ATAD2: variants seen among roughly 807,000 people sequenced by gnomAD.
The protein encoded by ATAD2 is ATPase family AAA domain containing 2, also known as ATPase family AAA domain-containing protein 2.
ATAD2 carries 62 observed loss-of-function variants against 168.9 expected under a neutral mutation model. The ratio of observed to expected loss-of-function variants is 0.37; its 90% CI spans 0.30 to 0.45. The LOEUF is 0.45. Ranked by LOEUF, ATAD2 falls within the 20% of genes least tolerant of loss-of-function variation. The probability of loss-of-function intolerance (pLI) is 1.00; values close to 1 mark genes in which losing one functional copy is unlikely to be tolerated. For synonymous variants in ATAD2, 613 were observed against 571.6 expected (o/e 1.07, Z -1.03); for missense variants, 1,419 against 1,667.8 (o/e 0.85, Z 2.60).
Position 123,346,186 on chromosome 8 carries a change from G to A in ATAD2, c.2432C>T (p.Pro811Leu). 1.2e-6 allele frequency: 2 copies of A among 1,613,096 alleles called. No individual in the cohort carries two copies. Among genetic ancestry groups the A allele is most frequent in the Non-Finnish European group, 1.7e-6 (2 of 1,179,520 alleles). The change falls in exon 18 of 28, where the codon CCA becomes CTA. Residue 811 changes from proline (P) to leucine (L), a missense_variant. Pro to Leu is a moderately conservative substitution (Grantham distance 98). Coordinates refer to ENST00000287394, the MANE Select transcript of ATAD2 (RefSeq NM_014109.4). ...PGFGQGSHLAPAVIHALEKFT... is the reference protein window; with the variant it reads ...PGFGQGSHLALAVIHALEKFT... Reference sequence around the variant, plus strand: ...CTTTTCCAAAGCATGAATGACAGCTGGTGCCAAGTGAGAACCTTGCCCAAA... The same window carrying A: ...CTTTTCCAAAGCATGAATGACAGCTAGTGCCAAGTGAGAACCTTGCCCAAA...
At chr8:123,323,093 G>A (rs779203863) in intron 26 of ATAD2, 27 bp from the exon 27 acceptor site, 2 of 1,587,162 alleles carry the variant, frequency 1.3e-6, no homozygotes, top group African/African-American at 1.4e-5. Flanking sequence ...GTGTCAATAT[G>A]TGTGAGAGAG....
chr8:123,337,702 A>G lies in ATAD2; in HGVS notation c.2974T>C (p.Phe992Leu). 2.5e-6 allele frequency: 4 copies of G among 1,613,772 alleles called. No homozygotes were observed. The highest frequency in any genetic ancestry group is 3.4e-6 in the Non-Finnish European group (4 of 1,179,880). The change falls in exon 21 of 28, where the codon TTC becomes CTC. Residue 992 changes from phenylalanine to leucine, a missense_variant. Physicochemically the swap from Phe to Leu is conservative, Grantham distance 22. Coordinates refer to ENST00000287394, the MANE Select transcript of ATAD2 (RefSeq NM_014109.4). ...AGCCTATGTGTAACATTTCTTAAGA[A>G]AATCCTCAGTTCTCTAAATGTATCT... ...EEDTFRELRIFLRNVTHRLAI... is the reference protein window; with the variant it reads ...EEDTFRELRILLRNVTHRLAI...
rs1479165463 is a variant in ATAD2, at chr8:123,347,350, G to A, written c.1954C>T (p.Arg652Ter). Residue 652 changes from arginine (R) to a stop codon, truncating the protein, a stop_gained, in exon 16 of 28, where the codon CGA becomes TGA. Coordinates refer to ENST00000287394, the MANE Select transcript of ATAD2 (RefSeq NM_014109.4). LOFTEE classifies it high-confidence loss of function. ...ICAEAALCAL[R>*]RRYPQIYTTS... is the part of the protein sequence containing the mutation. Reference sequence around the variant, plus strand: ...GTATAGATCTGTGGGTAGCGTCGTCGTAAAGCACATAAAGCAGCTTCAGCA... The same window carrying A: ...GTATAGATCTGTGGGTAGCGTCGTCATAAAGCACATAAAGCAGCTTCAGCA... 4 of 1,613,630 alleles carry A rather than the reference G, an allele frequency of 2.5e-6. No homozygotes were observed. Among genetic ancestry groups the A allele is most frequent in the Non-Finnish European group, 2.5e-6 (3 of 1,179,966 alleles).
intron 3 of ATAD2, 36 bp from the exon 4 acceptor site, chr8:123,371,871 T>C (rs768648727): frequency 1.4e-6 from 2 of 1,466,214 alleles, no homozygotes; most frequent in South Asian, 2.9e-5. Context: ...AATAGAAACA[T>C]TTGAAATAAT....
intron 1 of ATAD2, among the ~76,000 whole-genome samples, chr8:123,389,029 C>T (rs1829729116): frequency 6.6e-6 from 1 of 151,012 alleles, no homozygotes; most frequent in South Asian, 2.1e-4. Flanking sequence ...TGCAGTGGCG[C>T]GATCTTGGCT....
intron 1 of ATAD2, among the ~76,000 whole-genome samples, chr8:123,414,591 T>C (rs1813211837): frequency 1.3e-5 from 2 of 152,330 alleles, no homozygotes; most frequent in Non-Finnish European, 1.5e-5. Context: ...ACCACTGCAC[T>C]CCAGCCTGGG....
chr8:123,320,566 T>C lies in ATAD2; in HGVS notation c.*568A>G, dbSNP rs889456530. 2 of 152,254 alleles carry C rather than the reference T, an allele frequency of 1.3e-5. No individual in the cohort carries two copies. The highest frequency in any genetic ancestry group is 1.3e-4 in the Admixed American group (2 of 15,276). The allele number at this position is 152,254 out of a possible 1,614,324, so 9.4% of individuals were successfully genotyped here. A position where few individuals can be genotyped will look rare whatever the true frequency, so the allele number is the denominator to read the frequency against. ...AAATGTTTGTCTCAAAAACAATGAC[T>C]GTGATACTCAAGTACAGAATTGTGG... On this transcript the variant is annotated 3_prime_UTR_variant, in exon 28 of 28. Coordinates refer to ENST00000287394, the MANE Select transcript of ATAD2 (RefSeq NM_014109.4).
rs1333889718 is a variant in ATAD2 at position 123,347,630 on chromosome 8, C to G, written c.1898-224G>C. ...AACTTTTAAGAGTGCAATACACAAG[C>G]ACTAAGTATAGCACAGAGGTCAAAA... is the stretch of plus-strand genomic sequence containing the variant. On this transcript the variant is annotated intron_variant, in intron 15 of 27. Coordinates refer to ENST00000287394, the MANE Select transcript of ATAD2 (RefSeq NM_014109.4). Among the ~76,000 whole-genome samples, 4 of 152,092 alleles carry G rather than the reference C, an allele frequency of 2.6e-5. No homozygotes were observed. The East Asian group carries it at 7.7e-4, about 29-fold the overall frequency.
chr8:123,382,731 C>T (rs1026602302), intron 1 of ATAD2, among the ~76,000 whole-genome samples: 1 of 152,158 alleles, frequency 6.6e-6, no homozygotes, highest in Non-Finnish European at 1.5e-5. Context: ...GAAATAGGCA[C>T]AATTTTACAC....
chr8:123,372,536 C>A, intron 3 of ATAD2, 101 bp downstream of exon 3: 2 of 850,600 alleles, frequency 2.4e-6, no homozygotes, highest in Non-Finnish European at 1.8e-6. Context: ...ACAAATTATA[C>A]ACTTTAAACA....
chr8:123,400,860 C>T, upstream of ATAD2: 2 of 1,388,640 alleles, frequency 1.4e-6, no homozygotes, highest in South Asian at 1.2e-5. This position sits in a 1 kb window ranked among gnomAD's most constrained non-coding sequence, Gnocchi z 4.5. Flanking sequence ...ACCACAACTG[C>T]ACCCCAGAGT....
chr8:123,375,241 T>C (rs889414428), intron 2 of ATAD2, among the ~76,000 whole-genome samples: 2 of 152,178 alleles, frequency 1.3e-5, no homozygotes, highest in Non-Finnish European at 2.9e-5. Context: ...GAAATCTTCT[T>C]GACAGAAGAC....
chr8:123,406,235 G>C (rs981700495), intron 1 of ATAD2, among the ~76,000 whole-genome samples: 11 of 151,918 alleles, frequency 7.2e-5, no homozygotes, highest in Admixed American at 1.3e-4. Flanking sequence ...AAATTAGTTG[G>C]GTGTGGTGGC....
At chr8:123,409,406 C>T (rs1813120127) in intron 1 of ATAD2, among the ~76,000 whole-genome samples, 1 of 152,162 alleles carries the variant, frequency 6.6e-6, no homozygotes, top group Non-Finnish European at 1.5e-5. Flanking sequence ...GAAATGATCG[C>T]TTTAACTTGG....
chr8:123,370,951 T>A lies in ATAD2; in HGVS notation c.679A>T (p.Ile227Phe). 1.9e-6 allele frequency: 3 copies of A among 1,607,922 alleles called. No homozygotes were observed. Among genetic ancestry groups the A allele is most frequent in the Non-Finnish European group, 2.5e-6 (3 of 1,176,474 alleles). ...NMYTRGKQKD[I>F]QRTDEETTDN... ...GTTGTTTCTTCATCAGTTCTTTGAA[T>A]ATCTTTCTGTTTTCCTCTTGTGTAC... The change falls in exon 6 of 28, where the codon ATT becomes TTT. Residue 227 changes from isoleucine (I) to phenylalanine (F), a missense_variant. Ile to Phe is a conservative substitution (Grantham distance 21). Coordinates refer to ENST00000287394, the MANE Select transcript of ATAD2 (RefSeq NM_014109.4).
At chr8:123,387,314 G>A (rs1046507539) in intron 1 of ATAD2, among the ~76,000 whole-genome samples, 3 of 152,022 alleles carry the variant, frequency 2.0e-5, no homozygotes, top group Non-Finnish European at 4.4e-5. Flanking sequence ...TAGGTTGCCT[G>A]CAATTTTTTC....
upstream of ATAD2, chr8:123,396,595 G>T (rs1691279369): frequency 1.8e-6 from 1 of 541,446 alleles, no homozygotes; most frequent in Admixed American, 3.5e-5. Context: ...ACGTGGAGAG[G>T]AACACAGGCC....
At chr8:123,406,996 C>T (rs745564343) in intron 1 of ATAD2, among the ~76,000 whole-genome samples, 89 of 151,862 alleles carry the variant, frequency 5.9e-4, no homozygotes, top group Admixed American at 8.6e-4. Context: ...TATGGTGAAC[C>T]CTAAATCCAA....
intron 26 of ATAD2, 90 bp downstream of exon 26, chr8:123,325,803 C>A: frequency 6.8e-7 from 1 of 1,481,386 alleles, no homozygotes; most frequent in East Asian, 2.3e-5. Context: ...TCATGTAAAT[C>A]CCATGTAGCC....
Sources: gnomAD v4.1 joint callset for allele counts (sites outside exome capture counted in the v4.1 genomes callset) on GRCh38, gnomAD v4.1.1 for gene constraint, Gnocchi (gnomAD v3.1) non-coding constraint, MANE v1.5 for transcripts, NCBI Gene and HGNC (gene_info 2026-07-23, HGNC 2026-07-21) for gene names.